MBP: variants seen among roughly 807,000 people sequenced by gnomAD.
The protein encoded by MBP is myelin basic protein, also known as Golli-MBP.
MBP carries 16 observed loss-of-function variants against 35.8 expected under a neutral mutation model. That is an observed-to-expected ratio of 0.45 (90% CI 0.30 to 0.68). The LOEUF is 0.68. Ranked by LOEUF, MBP falls within the 30% of genes least tolerant of loss-of-function variation. The pLI is 0.08. For synonymous variants in MBP, 143 were observed against 159.6 expected (o/e 0.90, Z 0.78); for missense variants, 380 against 404.7 (o/e 0.94, Z 0.52).
intron 3 of MBP, among the ~76,000 whole-genome samples, chr18:77,045,087 C>T (rs918554074): frequency 1.3e-5 from 2 of 151,988 alleles, no homozygotes; most frequent in African/African-American, 4.8e-5. Context: ...TCTAAGTAAT[C>T]AGCCTACATG....
chr18:77,108,855 T>A (rs1349821679), intron 1 of MBP: 1 of 152,240 alleles, frequency 6.6e-6, no homozygotes, highest in Non-Finnish European at 1.5e-5. Context: ...TTTTACTGAT[T>A]TCATTCTCTA....
intron 2 of MBP, chr18:77,066,620 G>A (rs1001004909): frequency 2.8e-6 from 2 of 722,538 alleles, no homozygotes; most frequent in African/African-American, 3.4e-5. Flanking sequence ...AGTTGGTATA[G>A]TTTTATACAA....
intron 2 of MBP, among the ~76,000 whole-genome samples, chr18:77,096,317 A>C (rs1975755631): frequency 6.6e-6 from 1 of 152,196 alleles, no homozygotes; most frequent in African/African-American, 2.4e-5. Context: ...TTTTAATAGT[A>C]TCTGGAGAGT....
At chr18:77,124,306 A>C (rs1976976317) in intron 1 of MBP, among the ~76,000 whole-genome samples, 1 of 152,232 alleles carries the variant, frequency 6.6e-6, no homozygotes, top group Non-Finnish European at 1.5e-5. Context: ...ATCACTTACT[A>C]TGAATAAAAC....
chr18:77,052,051 G>T (rs933092050), intron 3 of MBP, among the ~76,000 whole-genome samples: 2 of 152,170 alleles, frequency 1.3e-5, no homozygotes, highest in East Asian at 3.9e-4. Flanking sequence ...AAGAGGATGA[G>T]GAGGCTGGAG....
At chr18:77,034,983 A>C (rs1307518707) in intron 3 of MBP, among the ~76,000 whole-genome samples, 1 of 152,182 alleles carries the variant, frequency 6.6e-6, no homozygotes, top group African/African-American at 2.4e-5. Context: ...AACTGCTAGG[A>C]AAGCACTTCT....
chr18:77,066,185 G>C, intron 3 of MBP, 113 bp downstream of exon 3: 1 of 756,706 alleles, frequency 1.3e-6, no homozygotes. Context: ...AATGAGTACA[G>C]ACAGATCCAT....
At chr18:77,037,339 A>G (rs949005357) in intron 3 of MBP, among the ~76,000 whole-genome samples, 3 of 152,036 alleles carry the variant, frequency 2.0e-5, no homozygotes, top group Non-Finnish European at 2.9e-5. Context: ...TTGGAGACAG[A>G]GCTGAGCAAG....
intron 4 of MBP, among the ~76,000 whole-genome samples, chr18:77,011,352 G>A (rs1971336354): frequency 6.6e-6 from 1 of 152,202 alleles, no homozygotes; most frequent in South Asian, 2.1e-4. Flanking sequence ...GTGAGCAAGT[G>A]TACGCTATGT....
chr18:77,100,385 TCTG>T (rs1369420730), intron 2 of MBP, among the ~76,000 whole-genome samples: 2 of 152,216 alleles, frequency 1.3e-5, no homozygotes, highest in African/African-American at 4.8e-5. Context: ...AGCCACCTAG[TCTG>T]CTATTTTGTT....
chr18:77,069,579 A>C (rs1238198937), intron 2 of MBP, among the ~76,000 whole-genome samples: 2 of 152,208 alleles, frequency 1.3e-5, no homozygotes, highest in Non-Finnish European at 2.9e-5. Flanking sequence ...GAGTAGAACA[A>C]TGCCGCATCT....
At chr18:77,024,696 T>C (rs1031953234) in intron 3 of MBP, among the ~76,000 whole-genome samples, 2 of 152,110 alleles carry the variant, frequency 1.3e-5, no homozygotes, top group East Asian at 1.9e-4. Context: ...GTCGCCAGGG[T>C]GGGGCTGAGG....
chr18:77,069,243 G>T (rs1415456719), intron 2 of MBP, among the ~76,000 whole-genome samples: 1 of 152,174 alleles, frequency 6.6e-6, no homozygotes, highest in Non-Finnish European at 1.5e-5. Flanking sequence ...GGGAGCCAAA[G>T]ATAGCTGGCT....
chr18:77,070,532 A>AT (rs200701268), intron 2 of MBP, among the ~76,000 whole-genome samples: 1 of 152,184 alleles, frequency 6.6e-6, no homozygotes, highest in African/African-American at 2.4e-5. Context: ...AAAAAAGTGT[A>AT]TTTTTTTGGA....
intron 4 of MBP, among the ~76,000 whole-genome samples, chr18:77,000,824 G>A (rs930959887): frequency 2.0e-5 from 3 of 152,192 alleles, no homozygotes; most frequent in African/African-American, 7.2e-5. Flanking sequence ...GCCGCCCGAT[G>A]CATCTGAAGA....
chr18:77,031,991 A>T (rs1972559649), intron 3 of MBP, among the ~76,000 whole-genome samples: 1 of 152,230 alleles, frequency 6.6e-6, no homozygotes, highest in African/African-American at 2.4e-5. Context: ...TGGCAACGAC[A>T]ACAAGTGTGT....
intron 3 of MBP, among the ~76,000 whole-genome samples, chr18:77,032,465 CT>C (rs1220471419): frequency 7.2e-6 from 1 of 138,740 alleles, no homozygotes; most frequent in Non-Finnish European, 1.7e-5. Flanking sequence ...TAGCTCACCC[CT>C]GGCACCTCCC....
chr18:77,121,905 T>C (rs1229674698), intron 1 of MBP, among the ~76,000 whole-genome samples: 2 of 152,162 alleles, frequency 1.3e-5, no homozygotes, highest in East Asian at 3.8e-4. Flanking sequence ...CACAACCCCA[T>C]GTAAGAGAAA....
intron 1 of MBP, among the ~76,000 whole-genome samples, chr18:77,125,762 AC>A (rs1977028266): frequency 4.6e-5 from 7 of 152,000 alleles, no homozygotes; most frequent in Admixed American, 4.6e-4. Context: ...TTGTATCAAA[AC>A]TTTTACTCGA....
Sources: gnomAD v4.1 joint callset for allele counts (sites outside exome capture counted in the v4.1 genomes callset) on GRCh38, gnomAD v4.1.1 for gene constraint, MANE v1.5 for transcripts, NCBI Gene and HGNC (gene_info 2026-07-23, HGNC 2026-07-21) for gene names.